GLIPR1: variants seen among roughly 807,000 people sequenced by gnomAD.
The protein encoded by GLIPR1 is GLI pathogenesis related 1, also known as glioma pathogenesis-related protein 1.
A neutral mutation model predicts 30.3 loss-of-function variants in GLIPR1; 38 were observed. The observed-to-expected ratio is 1.26, with a 90% CI of 0.97 to 1.65. The LOEUF is 1.65. Among genes scored for constraint, GLIPR1 ranks in the 40% most tolerant of loss-of-function variants. The pLI is 0.00. For missense variants in GLIPR1, 285 were observed against 326.5 expected, an observed-to-expected ratio of 0.87 and a Z score of 0.98; for synonymous variants, 122 against 110.6, an observed-to-expected ratio of 1.10 and a Z score of -0.65.
chr12:75,490,332 G>A (rs1473089952), intron 2 of GLIPR1, 74 bp from the exon 3 acceptor site: 2 of 834,568 alleles, frequency 2.4e-6, no homozygotes, highest in Non-Finnish European at 4.0e-6. Flanking sequence ...ACCTCACCAT[G>A]TTTATGAAGA....
At chr12:75,495,768 G>A (rs2046346784) in intron 4 of GLIPR1, 106 bp downstream of exon 4, 2 of 650,798 alleles carry the variant, frequency 3.1e-6, no homozygotes, top group Non-Finnish European at 5.5e-6. Flanking sequence ...TATCTTCAAG[G>A]AAACTGGCAT....
Position 75,498,744 on chromosome 12 carries a change from T to C in GLIPR1, c.646+24T>C, listed in dbSNP as rs751011510. 1.9e-6 allele frequency: 3 copies of C among 1,609,818 alleles called. No individual in the cohort carries two copies. The South Asian group carries it at 3.3e-5, about 18-fold the overall frequency. On this transcript the variant is annotated intron_variant, in intron 5 of 5. Transcript: ENST00000266659. ...ACGTACGTACATCAATCTTAAATTG[T>C]TTCATTAAGAGCTATGTGAATTCTG...
intron 2 of GLIPR1, chr12:75,484,897 A>C (rs1312485164): frequency 5.8e-6 from 1 of 172,926 alleles, no homozygotes. Flanking sequence ...AGGCCTGACA[A>C]ATAAAATATG....
In GLIPR1 at chr12:75,500,010, G is replaced by A; in HGVS notation, c.*1032G>A. 7.5e-7 allele frequency: 1 copy of A among 1,326,846 alleles called. No homozygotes were observed. Among genetic ancestry groups the A allele is most frequent in the South Asian group, 1.4e-5 (1 of 73,864 alleles). The allele number at this position is 1,326,846 out of a possible 1,614,324, so 82.2% of individuals were successfully genotyped here. ...TTTAGATTTTACCAAGTAAAACAAAGAATATATGTTTAACAAAGAATATAT... is the reference window on the plus strand; with the variant it reads ...TTTAGATTTTACCAAGTAAAACAAAAAATATATGTTTAACAAAGAATATAT... On this transcript the variant is annotated 3_prime_UTR_variant, in exon 6 of 6. Coordinates refer to ENST00000266659, the MANE Select transcript of GLIPR1 (RefSeq NM_006851.3).
rs1377366749 is a variant in GLIPR1, at chr12:75,502,145, G to C, written c.*3167G>C. On this transcript the variant is annotated 3_prime_UTR_variant, in exon 6 of 6. Transcript: ENST00000266659. ...ATGGTAGTGACATAAAGGAAACAGA[G>C]TCTAAGCTGAGGGGAATACATACAC... 3 of 670,258 alleles carry C rather than the reference G, an allele frequency of 4.5e-6. No individual in the cohort carries two copies. The highest frequency in any genetic ancestry group is 7.7e-6 in the Non-Finnish European group (3 of 387,644). 41.5% of individuals were successfully genotyped at this position (670,258 alleles called of 1,614,324 possible). A position where few individuals can be genotyped will look rare whatever the true frequency, so the allele number is the denominator to read the frequency against.
chr12:75,491,419 G>A (rs1463128193), intron 3 of GLIPR1: 1 of 152,162 alleles, frequency 6.6e-6, no homozygotes, highest in Non-Finnish European at 1.5e-5. Flanking sequence ...CCACCATCCT[G>A]TTGAAGAATT....
intron 2 of GLIPR1, among the ~76,000 whole-genome samples, chr12:75,485,788 G>A (rs1018529652): frequency 5.3e-5 from 8 of 152,030 alleles, no homozygotes; most frequent in Non-Finnish European, 1.0e-4. Context: ...CTGACCTCGT[G>A]ATCCGCCCGC....
chr12:75,501,965 C>CAA lies in GLIPR1; in HGVS notation c.*2991_*2992dup, dbSNP rs764066340. On this transcript the variant is annotated 3_prime_UTR_variant, in exon 6 of 6. Transcript: ENST00000266659. ...TCTGCCGCTTCTTCTGATTTGCCTTCAAAAAGTATTCACCACTAGCCAATT... is the reference window on the plus strand; with the variant it reads ...TCTGCCGCTTCTTCTGATTTGCCTTCAAAAAAAGTATTCACCACTAGCCAATT... 3 of 1,612,160 alleles carry CAA rather than the reference C, an allele frequency of 1.9e-6. No homozygotes were observed. In the African/African-American group the frequency reaches 4.0e-5, roughly 22 times the overall value.
chr12:75,483,135 A>G (rs1199437628), intron 2 of GLIPR1, among the ~76,000 whole-genome samples: 1 of 152,212 alleles, frequency 6.6e-6, no homozygotes, highest in African/African-American at 2.4e-5. Context: ...AAAAATTATT[A>G]TAAGAGTAAA....
intron 2 of GLIPR1, among the ~76,000 whole-genome samples, chr12:75,487,117 A>G (rs1219160399): frequency 6.6e-6 from 1 of 152,230 alleles, no homozygotes; most frequent in Non-Finnish European, 1.5e-5. Context: ...GCTACAGAAG[A>G]AAGTGCTGGA....
chr12:75,499,026 G>T lies in GLIPR1; in HGVS notation c.*48G>T. Reference sequence around the variant, plus strand: ...CCAAAAACCAACCTCATTCACATATGGCTTTTTTTTTAACCAATAACAATT... The same window carrying T: ...CCAAAAACCAACCTCATTCACATATTGCTTTTTTTTTAACCAATAACAATT... On this transcript the variant is annotated 3_prime_UTR_variant, in exon 6 of 6. Coordinates refer to ENST00000266659, the MANE Select transcript of GLIPR1 (RefSeq NM_006851.3). 5.3e-6 allele frequency: 7 copies of T among 1,331,400 alleles called. No individual in the cohort carries two copies. Among genetic ancestry groups the T allele is most frequent in the African/African-American group, 1.5e-5 (1 of 66,712 alleles). 82.5% of individuals were successfully genotyped at this position (1,331,400 alleles called of 1,614,324 possible).
intron 3 of GLIPR1, 39 bp from the exon 4 acceptor site, chr12:75,495,538 C>G (rs368416212): frequency 1.6e-6 from 2 of 1,216,470 alleles, no homozygotes; most frequent in African/African-American, 3.0e-5. Flanking sequence ...TTTAAAAAAC[C>G]GAAAAACTTC....
At chr12:75,487,795 G>A (rs576360059) in intron 2 of GLIPR1, 14 of 456,436 alleles carry the variant, frequency 3.1e-5, no homozygotes, top group Admixed American at 1.9e-4. Context: ...TGAATCTCGC[G>A]CGAGAAAATC....
chr12:75,496,664 A>C (rs960640208), intron 4 of GLIPR1: 3 of 152,178 alleles, frequency 2.0e-5, no homozygotes. Flanking sequence ...CTGAACTCAG[A>C]GCAGCCGGGC....
chr12:75,488,560 A>G (rs963080728), intron 2 of GLIPR1, among the ~76,000 whole-genome samples: 1 of 152,208 alleles, frequency 6.6e-6, no homozygotes. Context: ...ACAAAAAAAC[A>G]AAACCACAAC....
intron 1 of GLIPR1, 169 bp downstream of exon 1, chr12:75,481,223 A>G: frequency 2.1e-6 from 1 of 484,092 alleles, no homozygotes; most frequent in Non-Finnish European, 3.6e-6. Context: ...AGCTCTGTCT[A>G]CCCAACTGTT....
At chr12:75,487,750 A>G (rs1159447272) in intron 2 of GLIPR1, 2 of 456,578 alleles carry the variant, frequency 4.4e-6, no homozygotes, top group Non-Finnish European at 4.4e-6. Flanking sequence ...TGTCACAGGA[A>G]AGGGGTCGGG....
intron 3 of GLIPR1, chr12:75,491,703 T>C (rs1303182686): frequency 1.3e-5 from 2 of 152,218 alleles, no homozygotes; most frequent in Non-Finnish European, 2.9e-5. Context: ...TACTAGTAAT[T>C]ATAAATTTCT....
At chr12:75,493,199 G>A (rs1315128465) in intron 3 of GLIPR1, 1 of 152,170 alleles carries the variant, frequency 6.6e-6, no homozygotes, top group Non-Finnish European at 1.5e-5. Context: ...GGAGCGATGA[G>A]ACCTTTAAAT....
Sources: gnomAD v4.1 joint callset for allele counts (sites outside exome capture counted in the v4.1 genomes callset) on GRCh38, gnomAD v4.1.1 for gene constraint, MANE v1.5 for transcripts, NCBI Gene and HGNC (gene_info 2026-07-23, HGNC 2026-07-21) for gene names.